Variants in MYO3B observed in about 807,000 individuals in gnomAD.
The protein encoded by MYO3B is myosin-IIIb.
A neutral mutation model predicts 174.6 loss-of-function variants in MYO3B; 156 were observed. The observed-to-expected ratio is 0.89, with a 90% CI of 0.78 to 1.02. MYO3B has a LOEUF of 1.02. Among genes scored for constraint, MYO3B ranks in the 50% least tolerant of loss-of-function variants. MYO3B has a pLI of 0.00. For missense variants in MYO3B, 1,632 were observed against 1,639.4 expected (o/e 1.00, Z 0.08); for synonymous variants, 563 against 569.1 (o/e 0.99, Z 0.15).
At chr2:170,423,345 C>T (rs139808223) in intron 22 of MYO3B, among the ~76,000 whole-genome samples, 7 of 152,152 alleles carry the variant, frequency 4.6e-5, no homozygotes, top group Non-Finnish European at 8.8e-5. Context: ...TGCAGAGGAT[C>T]GCTGCATCGG....
At chr2:170,356,641 T>C (rs2094123676) in intron 8 of MYO3B, among the ~76,000 whole-genome samples, 1 of 150,678 alleles carries the variant, frequency 6.6e-6, no homozygotes, top group Admixed American at 6.6e-5. Context: ...GGATTACAAG[T>C]GTGAGCCACC....
intron 3 of MYO3B, among the ~76,000 whole-genome samples, chr2:170,200,974 G>A (rs1451390107): frequency 6.6e-6 from 1 of 152,198 alleles, no homozygotes; most frequent in Non-Finnish European, 1.5e-5. Context: ...TGAAGTGGAA[G>A]CCAACTTGGG....
chr2:170,560,215 G>A (rs1159040452), intron 32 of MYO3B, among the ~76,000 whole-genome samples: 5 of 152,200 alleles, frequency 3.3e-5, no homozygotes, highest in African/African-American at 7.2e-5. Flanking sequence ...GTTTTCCCTC[G>A]ATACTACCAC....
chr2:170,252,649 T>A (rs1205671467), intron 7 of MYO3B, among the ~76,000 whole-genome samples: 5 of 152,028 alleles, frequency 3.3e-5, no homozygotes, highest in African/African-American at 1.2e-4. Context: ...CAAGTAAAAA[T>A]AAATAATATG....
chr2:170,332,452 C>T (rs573809206), intron 7 of MYO3B, among the ~76,000 whole-genome samples: 2 of 152,296 alleles, frequency 1.3e-5, no homozygotes, highest in Admixed American at 1.3e-4. Flanking sequence ...GAATAACCTA[C>T]ATGGTTTCCC....
chr2:170,377,083 T>C (rs1405403717), intron 9 of MYO3B, among the ~76,000 whole-genome samples: 1 of 152,210 alleles, frequency 6.6e-6, no homozygotes, highest in Non-Finnish European at 1.5e-5. Flanking sequence ...AGAGGCTAAT[T>C]GATTAATGAG....
At chr2:170,509,964 C>A (rs1041219619) in intron 28 of MYO3B, among the ~76,000 whole-genome samples, 46 of 152,110 alleles carry the variant, frequency 3.0e-4, no homozygotes, top group African/African-American at 1.1e-3. Flanking sequence ...ACACGATGAG[C>A]CATAGCAGGA....
At chr2:170,391,396 T>C (rs1297726034) in intron 14 of MYO3B, 124 bp from the exon 15 acceptor site, 3 of 547,044 alleles carry the variant, frequency 5.5e-6, no homozygotes, top group Non-Finnish European at 9.6e-6. Flanking sequence ...GGATTTATAA[T>C]ATTTAATTGC....
chr2:170,488,559 C>G (rs541319658), intron 25 of MYO3B, among the ~76,000 whole-genome samples: 1 of 152,070 alleles, frequency 6.6e-6, no homozygotes, highest in Non-Finnish European at 1.5e-5. Flanking sequence ...TTTATTCATA[C>G]GTTATGAGGG....
intron 30 of MYO3B, among the ~76,000 whole-genome samples, chr2:170,534,539 G>A (rs1304004462): frequency 6.6e-6 from 1 of 152,106 alleles, no homozygotes; most frequent in African/African-American, 2.4e-5. Context: ...TCAGCCTTCT[G>A]GGCTTAAGTG....
intron 32 of MYO3B, among the ~76,000 whole-genome samples, chr2:170,637,811 T>C (rs1054743253): frequency 9.2e-5 from 14 of 152,200 alleles, no homozygotes; most frequent in African/African-American, 3.4e-4. Context: ...GATTTTATAA[T>C]GTAATGTACT....
At chr2:170,581,041 AG>A (rs1434612270) in intron 32 of MYO3B, among the ~76,000 whole-genome samples, 1 of 152,158 alleles carries the variant, frequency 6.6e-6, no homozygotes, top group African/African-American at 2.4e-5. Context: ...ATATCTCCCT[AG>A]GAAGGAATTG....
intron 7 of MYO3B, among the ~76,000 whole-genome samples, chr2:170,318,131 C>T (rs1485583867): frequency 6.6e-6 from 1 of 152,150 alleles, no homozygotes; most frequent in Non-Finnish European, 1.5e-5. Flanking sequence ...ACATTTGTGA[C>T]AGTGCTTTGT....
chr2:170,498,481 C>T lies in MYO3B; in HGVS notation c.3015-111C>T, dbSNP rs534086081. On this transcript the variant is annotated intron_variant, in intron 25 of 34. Coordinates refer to ENST00000408978, the MANE Select transcript of MYO3B (RefSeq NM_138995.5). ...TACCTACTATGCTATTATTGGTGCT[C>T]GACAAATATTTACTATTAAAAAACA... is the stretch of plus-strand genomic sequence containing the variant. 8.1e-5 allele frequency: 57 copies of T among 705,312 alleles called. 1 individual carries two copies. In the South Asian group the frequency reaches 8.5e-4, roughly 11 times the overall value. The allele number at this position is 705,312 out of a possible 1,614,324, so 43.7% of individuals were successfully genotyped here.
intron 9 of MYO3B, among the ~76,000 whole-genome samples, chr2:170,369,940 C>T (rs918928191): frequency 2.0e-5 from 3 of 151,880 alleles, no homozygotes; most frequent in African/African-American, 7.2e-5. Context: ...ATTTCTTATG[C>T]TATCTAAAGC....
intron 25 of MYO3B, among the ~76,000 whole-genome samples, chr2:170,478,958 A>G (rs1575046182): frequency 6.6e-6 from 1 of 151,026 alleles, no homozygotes; most frequent in African/African-American, 2.4e-5. Flanking sequence ...GTGTTATTAT[A>G]TATGTATATA....
At chr2:170,592,081 AG>A (rs1166316888) in intron 32 of MYO3B, among the ~76,000 whole-genome samples, 1 of 152,316 alleles carries the variant, frequency 6.6e-6, no homozygotes, top group East Asian at 1.9e-4. Flanking sequence ...AGGTATGAAG[AG>A]GTTAAATCAT....
In MYO3B at chr2:170,505,431, T is replaced by A. The variant is rs542003295; in HGVS notation, c.3370+3566T>A. ...ATACTTTGTTAAAATCCGAAAAAAA[T>A]TGTACATATTAGTGTTCAAATAGAT... On this transcript the variant is annotated intron_variant, in intron 28 of 34. Coordinates refer to ENST00000408978, the MANE Select transcript of MYO3B (RefSeq NM_138995.5). Among the ~76,000 whole-genome samples, 33 of 152,274 alleles carry A rather than the reference T, an allele frequency of 2.2e-4. 1 individual carries two copies. The South Asian group carries it at 6.2e-3, about 29-fold the overall frequency.
At chr2:170,391,465 T>G in intron 14 of MYO3B, 55 bp from the exon 15 acceptor site, 1 of 829,866 alleles carries the variant, frequency 1.2e-6, no homozygotes, top group African/African-American at 1.8e-5. Flanking sequence ...TGGTGTAAAA[T>G]ACTTGGGATG....
Sources: allele counts gnomAD v4.1 joint callset (sites outside exome capture counted in the v4.1 genomes callset), GRCh38; gene constraint gnomAD v4.1.1; transcripts MANE v1.5; gene names NCBI Gene and HGNC (gene_info 2026-07-23, HGNC 2026-07-21).